ARHGAP26: variants seen among roughly 807,000 people sequenced by gnomAD.
ARHGAP26 encodes the protein rho GTPase-activating protein 26.
In ARHGAP26, 38 loss-of-function variants were observed where a neutral mutation model predicts 104.8. The ratio of observed to expected loss-of-function variants is 0.36; its 90% CI spans 0.28 to 0.48. The LOEUF (loss-of-function observed/expected upper bound fraction) is 0.48. Ranked by LOEUF, ARHGAP26 falls within the 20% of genes least tolerant of loss-of-function variation. The probability of loss-of-function intolerance (pLI) is 0.99; values close to 1 mark genes in which losing one functional copy is unlikely to be tolerated. For missense variants in ARHGAP26, 704 were observed against 947.9 expected, an observed-to-expected ratio of 0.74 and a Z score of 3.38; for synonymous variants, 341 against 340.0, an observed-to-expected ratio of 1.00 and a Z score of -0.03.
intron 17 of ARHGAP26, 146 bp downstream of exon 17, chr5:143,057,893 G>A (rs1786075156): frequency 1.3e-6 from 1 of 763,936 alleles, no homozygotes; most frequent in Non-Finnish European, 2.3e-6. Flanking sequence ...TGTGTGAAAT[G>A]TTCATTGCAG....
chr5:142,955,582 C>T (rs1161420237), intron 11 of ARHGAP26, among the ~76,000 whole-genome samples: 1 of 152,136 alleles, frequency 6.6e-6, no homozygotes, highest in Non-Finnish European at 1.5e-5. Flanking sequence ...TCTGAATCTA[C>T]CCATATCACA....
chr5:142,847,531 A>G (rs1772256539), intron 1 of ARHGAP26, among the ~76,000 whole-genome samples: 1 of 151,980 alleles, frequency 6.6e-6, no homozygotes, highest in Admixed American at 6.5e-5. Flanking sequence ...CTAATTTTGT[A>G]TTTTTAGTAG....
At chr5:142,944,851 C>T (rs1025161064) in intron 11 of ARHGAP26, among the ~76,000 whole-genome samples, 4 of 152,106 alleles carry the variant, frequency 2.6e-5, no homozygotes, top group East Asian at 1.9e-4. Flanking sequence ...ACCTAAGTTT[C>T]GCTTGTGTTC....
intron 1 of ARHGAP26, among the ~76,000 whole-genome samples, chr5:142,823,910 G>A (rs1766701453): frequency 6.6e-6 from 1 of 152,168 alleles, no homozygotes; most frequent in African/African-American, 2.4e-5. Flanking sequence ...CTTTTTAAAA[G>A]TGGTCGTCTT....
chr5:142,902,247 G>C (rs1469751793), intron 7 of ARHGAP26, among the ~76,000 whole-genome samples: 1 of 152,122 alleles, frequency 6.6e-6, no homozygotes, highest in African/African-American at 2.4e-5. Context: ...TTATTTCAAA[G>C]CCCTATTTAT....
At chr5:143,107,647 C>A (rs1794202902) in intron 17 of ARHGAP26, among the ~76,000 whole-genome samples, 1 of 152,152 alleles carries the variant, frequency 6.6e-6, no homozygotes, top group Admixed American at 6.5e-5. Flanking sequence ...TAGGTTTGGG[C>A]TTTGTGAGTG....
intron 12 of ARHGAP26, 66 bp downstream of exon 12, chr5:143,014,182 T>C: frequency 6.3e-7 from 1 of 1,580,054 alleles, no homozygotes. Context: ...AAGTTGCTAC[T>C]CCAGGTGTGA....
Position 142,873,007 on chromosome 5 carries a change from A to C in ARHGAP26, c.155-393A>C, listed in dbSNP as rs1169106411. Among the ~76,000 whole-genome samples the C allele has an allele frequency of 2.0e-5, 3 of 152,134 alleles. No individual in the cohort carries two copies. The East Asian group carries it at 5.8e-4, about 29-fold the overall frequency. On this transcript the variant is annotated intron_variant, in intron 1 of 22. Transcript: ENST00000645722. ...TACTGTTGAGTCAGACTTGTGGGGG[A>C]AACTGCACTGACTGTGTGGAGGGTC...
At chr5:142,923,141 G>T (rs1191794541) in intron 10 of ARHGAP26, among the ~76,000 whole-genome samples, 1 of 151,096 alleles carries the variant, frequency 6.6e-6, no homozygotes, top group African/African-American at 2.4e-5. Context: ...GTTTGATTCT[G>T]GTTTAACAAA....
At chr5:142,948,537 A>C (rs961786803) in intron 11 of ARHGAP26, among the ~76,000 whole-genome samples, 7 of 151,978 alleles carry the variant, frequency 4.6e-5, no homozygotes, top group Non-Finnish European at 7.4e-5. Context: ...TGTAAAAGCA[A>C]GTGTGACCAC....
intron 20 of ARHGAP26, among the ~76,000 whole-genome samples, chr5:143,157,423 C>T (rs853171): frequency 0.24 from 35,765 of 152,066 alleles, 5,099 homozygotes; most frequent in East Asian, 0.55. Context: ...AGTGATCCAC[C>T]TGCCTCAGCC....
chr5:142,816,771 G>C (rs144996605), intron 1 of ARHGAP26, among the ~76,000 whole-genome samples: 1 of 152,336 alleles, frequency 6.6e-6, no homozygotes, highest in African/African-American at 2.4e-5. Flanking sequence ...GTCATTTGGG[G>C]TTGGTTCGGA....
intron 17 of ARHGAP26, among the ~76,000 whole-genome samples, chr5:143,079,378 A>G (rs998569699): frequency 6.6e-6 from 1 of 152,232 alleles, no homozygotes; most frequent in African/African-American, 2.4e-5. Context: ...CTATGTGTCT[A>G]TAAACACCTT....
At chr5:142,810,567 T>C (rs1411947080) in intron 1 of ARHGAP26, among the ~76,000 whole-genome samples, 2 of 152,232 alleles carry the variant, frequency 1.3e-5, no homozygotes, top group East Asian at 3.8e-4. Context: ...CTGTAAACTC[T>C]TCCTTTTGAA....
chr5:142,973,154 A>C (rs1011156502), intron 11 of ARHGAP26, among the ~76,000 whole-genome samples: 4 of 152,236 alleles, frequency 2.6e-5, no homozygotes, highest in Non-Finnish European at 5.9e-5. Context: ...AACAAATGCC[A>C]GAACTACAGG....
intron 17 of ARHGAP26, among the ~76,000 whole-genome samples, chr5:143,068,976 G>T (rs1787890229): frequency 6.6e-6 from 1 of 151,916 alleles, no homozygotes; most frequent in South Asian, 2.1e-4. Context: ...TCTTCACTTG[G>T]CTTCCAGGAC....
rs143584443 is a variant in ARHGAP26, at chr5:142,927,423, C to T, written c.1029-4624C>T. On this transcript the variant is annotated intron_variant, in intron 10 of 22. Transcript: ENST00000645722. ...TCATAGAAGTGGAGTCACACAGTCA[C>T]ATAATCTTTTGTGTCTGGTCTCTTT... Among the ~76,000 whole-genome samples the T allele has an allele frequency of 3.8e-3, 575 of 152,108 alleles. 1 individual carries two copies. Among genetic ancestry groups the T allele is most frequent in the Non-Finnish European group, 6.8e-3 (464 of 67,996 alleles).
chr5:142,846,116 C>T (rs1771894211), intron 1 of ARHGAP26, among the ~76,000 whole-genome samples: 1 of 152,184 alleles, frequency 6.6e-6, no homozygotes, highest in South Asian at 2.1e-4. Flanking sequence ...TGTACTGCAG[C>T]GTTTGGGTCT....
rs554805646 is a variant in ARHGAP26, at chr5:142,810,497, C to CT, written c.154+39588dup. Among the ~76,000 whole-genome samples the CT allele has an allele frequency of 6.8e-4, 104 of 152,172 alleles. No homozygotes were observed. The East Asian group carries it at 0.018, about 26-fold the overall frequency. ...CCTCTCCCCTCTCCCCCATCTCTTT[C>CT]TTTTTTGTGTGTGTAGTCATTTATT... is the stretch of plus-strand genomic sequence containing the variant. On this transcript the variant is annotated intron_variant, in intron 1 of 22. Transcript: ENST00000645722.
Sources: allele counts gnomAD v4.1 joint callset (sites outside exome capture counted in the v4.1 genomes callset), GRCh38; gene constraint gnomAD v4.1.1; transcripts MANE v1.5; gene names NCBI Gene and HGNC (gene_info 2026-07-23, HGNC 2026-07-21).